The following DDX50 variants were observed in gnomAD, a reference collection of about 807,000 sequenced individuals.
DDX50 encodes the protein ATP-dependent RNA helicase DDX50.
Under a neutral mutation model 94.8 loss-of-function variants are expected in DDX50, and 56 were observed. The observed-to-expected ratio is 0.59, with a 90% CI of 0.48 to 0.74. The LOEUF (loss-of-function observed/expected upper bound fraction) is 0.74, where lower values mean the gene tolerates loss of function less well. Ranked by LOEUF, DDX50 falls within the 30% of genes least tolerant of loss-of-function variation. The pLI is 0.00. For missense variants in DDX50, 713 were observed against 881.2 expected (o/e 0.81, Z 2.42); for synonymous variants, 264 against 295.4 (o/e 0.89, Z 1.09).
Position 68,946,334 on chromosome 10 carries a change from T to C in DDX50, c.1936-18T>C. 6.3e-7 allele frequency: 1 copy of C among 1,590,844 alleles called. No homozygotes were observed. The highest frequency in any genetic ancestry group is 8.6e-7 in the Non-Finnish European group (1 of 1,167,340). ...TTCTATTTTGCATTTATATTAATCC[T>C]GTAAATTCCCCTAACAGGCAGAGTG... On this transcript the variant is annotated intron_variant, in intron 14 of 14. Coordinates refer to ENST00000373585, the MANE Select transcript of DDX50 (RefSeq NM_024045.2).
intron 8 of DDX50, among the ~76,000 whole-genome samples, chr10:68,921,525 T>G (rs1052474793): frequency 6.6e-6 from 1 of 152,214 alleles, no homozygotes; most frequent in Non-Finnish European, 1.5e-5. Flanking sequence ...GCAGAACTAC[T>G]TCATAGGTGG....
chr10:68,932,582 G>T (rs1490096985), intron 8 of DDX50, among the ~76,000 whole-genome samples: 6 of 152,034 alleles, frequency 3.9e-5, no homozygotes, highest in Non-Finnish European at 8.8e-5. Context: ...TGAACTTTTT[G>T]ACTTTAATAT....
intron 12 of DDX50, 135 bp from the exon 13 acceptor site, chr10:68,940,925 A>C: frequency 1.7e-6 from 2 of 1,184,382 alleles, no homozygotes; most frequent in East Asian, 5.4e-5. Flanking sequence ...AGTTTCAAAA[A>C]AATTTTTTAG....
chr10:68,942,322 T>C (rs1842573123), intron 13 of DDX50, among the ~76,000 whole-genome samples: 1 of 152,244 alleles, frequency 6.6e-6, no homozygotes, highest in Non-Finnish European at 1.5e-5. Context: ...AATTTAACTT[T>C]ACTGCATAGG....
intron 8 of DDX50, among the ~76,000 whole-genome samples, chr10:68,929,308 T>TTTCTTTCCTTCCTTC (rs1205482770): frequency 7.7e-6 from 1 of 129,936 alleles, no homozygotes; most frequent in African/African-American, 3.0e-5. Flanking sequence ...TCTCTCTCTC[T>TTTCTTTCCTTCCTTC]CTCTCTTTCT....
At chr10:68,942,295 AATG>A (rs1842572515) in intron 13 of DDX50, among the ~76,000 whole-genome samples, 2 of 152,214 alleles carry the variant, frequency 1.3e-5, no homozygotes, top group African/African-American at 2.4e-5. Context: ...GGTTTTGAAA[AATG>A]ATGTTATGTT....
chr10:68,913,171 T>G lies in DDX50; in HGVS notation c.649T>G (p.Leu217Val). 1 of 1,605,150 alleles carries G rather than the reference T, an allele frequency of 6.2e-7. No individual in the cohort carries two copies. Among genetic ancestry groups the G allele is most frequent in the Non-Finnish European group, 8.5e-7 (1 of 1,177,976 alleles). ...TAAACCTCTTGCTCAGGTACTTGTT[T>G]TGGCTCCAACAAGGGAACTGGCAAA... Reference protein sequence around the residue: ...KKSRSPKVLVLAPTRELANQV... With the variant: ...KKSRSPKVLVVAPTRELANQV... The change falls in exon 5 of 15, where the codon TTG becomes GTG. Residue 217 changes from leucine (L) to valine (V), a missense_variant. This residue lies in a region of DDX50 where 285 missense variants were observed against 278.9 expected (regional missense o/e 1.02). Transcript: ENST00000373585.
rs181786790 is a variant in DDX50 at position 68,909,502 on chromosome 10, A to G, written c.385-805A>G. ...TCAGAAAAACTTTACATTCCTCATTATATACTTTCTTTTAGCTTAGTTTAT... is the reference window on the plus strand; with the variant it reads ...TCAGAAAAACTTTACATTCCTCATTGTATACTTTCTTTTAGCTTAGTTTAT... On this transcript the variant is annotated intron_variant, in intron 2 of 14. Transcript: ENST00000373585. Among the ~76,000 whole-genome samples, 566 of 152,286 alleles carry G rather than the reference A, an allele frequency of 3.7e-3. 2 individuals are homozygous for G. Among genetic ancestry groups the G allele is most frequent in the Non-Finnish European group, 7.0e-3 (474 of 68,020 alleles).
chr10:68,926,323 T>G (rs893087639), intron 8 of DDX50, among the ~76,000 whole-genome samples: 2 of 151,436 alleles, frequency 1.3e-5, no homozygotes, highest in Non-Finnish European at 2.9e-5. Context: ...TTGCAGAAGC[T>G]GTTTTTTAAT....
chr10:68,918,423 C>T (rs1223058727), intron 7 of DDX50, among the ~76,000 whole-genome samples: 2 of 143,542 alleles, frequency 1.4e-5, no homozygotes, highest in East Asian at 4.0e-4. Flanking sequence ...ACTCTCCATT[C>T]CCTCCTTTTT....
intron 10 of DDX50, among the ~76,000 whole-genome samples, chr10:68,935,380 T>C (rs1030275196): frequency 6.6e-6 from 1 of 152,148 alleles, no homozygotes; most frequent in Non-Finnish European, 1.5e-5. Flanking sequence ...AATGAGATAG[T>C]GTAATAAGGA....
intron 7 of DDX50, among the ~76,000 whole-genome samples, chr10:68,917,390 C>T (rs994072544): frequency 6.6e-6 from 1 of 152,050 alleles, no homozygotes; most frequent in Non-Finnish European, 1.5e-5. Context: ...AACCAGGAGG[C>T]GGAGGTTGCA....
intron 7 of DDX50, among the ~76,000 whole-genome samples, chr10:68,919,088 A>T (rs1380548775): frequency 6.6e-6 from 1 of 152,172 alleles, no homozygotes; most frequent in Non-Finnish European, 1.5e-5. Flanking sequence ...AGGTGCGTGT[A>T]GTAGGCTATA....
intron 8 of DDX50, among the ~76,000 whole-genome samples, chr10:68,933,098 C>T (rs1441721459): frequency 6.8e-6 from 1 of 147,574 alleles, no homozygotes; most frequent in East Asian, 2.0e-4. Flanking sequence ...GATGAAGCTT[C>T]ACTCTTGTCC....
At chr10:68,912,286 A>G (rs1202554249) in intron 4 of DDX50, among the ~76,000 whole-genome samples, 1 of 151,906 alleles carries the variant, frequency 6.6e-6, no homozygotes. Context: ...ATCATGGCTC[A>G]TTGTAGCCAT....
At position 68,934,462 on chromosome 10, in the gene DDX50, C is replaced by T; in HGVS notation, c.1401+102C>T. ...GGATGTGAAAAATATGTCATCTCTTCTTGCTCTTAGCCATTTTTTGTTAGT... is the reference window on the plus strand; with the variant it reads ...GGATGTGAAAAATATGTCATCTCTTTTTGCTCTTAGCCATTTTTTGTTAGT... On this transcript the variant is annotated intron_variant, in intron 9 of 14. Transcript: ENST00000373585. The surrounding 1 kb of genome is among the most constrained non-coding windows in gnomAD (Gnocchi z 4.0). 2.0e-6 allele frequency: 3 copies of T among 1,503,696 alleles called. No homozygotes were observed. Among genetic ancestry groups the T allele is most frequent in the Non-Finnish European group, 2.7e-6 (3 of 1,111,946 alleles). The allele number at this position is 1,503,696 out of a possible 1,614,324, so 93.1% of individuals were successfully genotyped here. A position where few individuals can be genotyped will look rare whatever the true frequency, so the allele number is the denominator to read the frequency against.
intron 1 of DDX50, among the ~76,000 whole-genome samples, chr10:68,901,711 G>T (rs908838128): frequency 5.9e-5 from 9 of 152,190 alleles, no homozygotes; most frequent in African/African-American, 2.2e-4. Context: ...AGCCCTTCCC[G>T]TTGGCGCCTG....
rs779636591 is a variant in DDX50 at position 68,901,379 on chromosome 10, C to T, written c.-6C>T. ...TGTGCCCGGAGGGAGGCGGCGGTGGCCAGTAATGCCTGGGAAACTCCTCTG... is the reference window on the plus strand; with the variant it reads ...TGTGCCCGGAGGGAGGCGGCGGTGGTCAGTAATGCCTGGGAAACTCCTCTG... On this transcript the variant is annotated 5_prime_UTR_variant, in exon 1 of 15. Transcript: ENST00000373585. 1.0e-5 allele frequency: 16 copies of T among 1,537,782 alleles called. No individual in the cohort carries two copies. Among genetic ancestry groups the T allele is most frequent in the Non-Finnish European group, 1.3e-5 (15 of 1,141,186 alleles).
intron 4 of DDX50, 114 bp from the exon 5 acceptor site, chr10:68,913,048 C>T (rs41299234): frequency 0.019 from 14,753 of 769,318 alleles, 176 homozygotes; most frequent in Non-Finnish European, 0.025. Flanking sequence ...TTAAATACTT[C>T]GACATTAATG....
Sources: gnomAD v4.1 joint callset for allele counts (sites outside exome capture counted in the v4.1 genomes callset) on GRCh38, gnomAD v4.1.1 for gene constraint, gnomAD v4.1.1 regional missense constraint, Gnocchi (gnomAD v3.1) non-coding constraint, MANE v1.5 for transcripts, NCBI Gene and HGNC (gene_info 2026-07-23, HGNC 2026-07-21) for gene names.